The following CNTNAP5 variants were observed in gnomAD, a reference collection of about 807,000 sequenced individuals.
The protein encoded by CNTNAP5 is contactin associated protein family member 5.
A neutral mutation model predicts 150.2 loss-of-function variants in CNTNAP5; 72 were observed. The ratio of observed to expected loss-of-function variants is 0.48; its 90% CI spans 0.40 to 0.58. The LOEUF is 0.58. Among genes scored for constraint, CNTNAP5 ranks in the 20% least tolerant of loss-of-function variants. The pLI, the probability that CNTNAP5 is intolerant of heterozygous loss-of-function variation, is 0.00. For synonymous variants in CNTNAP5, 672 were observed against 619.8 expected (o/e 1.08, Z -1.25); for missense variants, 1,636 against 1,626.2 (o/e 1.01, Z -0.10).
intron 14 of CNTNAP5, among the ~76,000 whole-genome samples, chr2:124,758,765 A>G (rs2105159044): frequency 6.6e-6 from 1 of 152,092 alleles, no homozygotes; most frequent in South Asian, 2.1e-4. Flanking sequence ...GAGAAGTTGA[A>G]GGTACAACAT....
At chr2:124,682,617 T>TAA (rs1679093485) in intron 13 of CNTNAP5, among the ~76,000 whole-genome samples, 1 of 152,208 alleles carries the variant, frequency 6.6e-6, no homozygotes, top group African/African-American at 2.4e-5. Context: ...GCTCAGTAGT[T>TAA]TCTCTCGGGT....
In CNTNAP5 at chr2:124,407,775, A is replaced by C. The variant is rs1285050808; in HGVS notation, c.382-9668A>C. Among the ~76,000 whole-genome samples, 6 of 152,166 alleles carry C rather than the reference A, an allele frequency of 3.9e-5. 1 individual carries two copies. The East Asian group carries it at 7.7e-4, about 20-fold the overall frequency. ...TTTTCCTCTCTGTAATATGAGTTGC[A>C]ATCTTCCCTACTTAATTACATTTCA... is the stretch of plus-strand genomic sequence containing the variant. On this transcript the variant is annotated intron_variant, in intron 3 of 23. Coordinates refer to ENST00000682447, the MANE Select transcript of CNTNAP5 (RefSeq NM_001367498.1).
rs539555484 is a variant in CNTNAP5 at position 124,257,417 on chromosome 2, C to G, written c.381+15024C>G. On this transcript the variant is annotated intron_variant, in intron 3 of 23. Transcript: ENST00000682447. ...CAATGCCACTGCTGGTTCAATACGT[C>G]CATGACTGGTTATGCATTGCCAATC... 3.9e-5 allele frequency among the ~76,000 whole-genome samples: 6 copies of G among 152,308 alleles called. No individual in the cohort carries two copies. The East Asian group carries it at 1.2e-3, about 29-fold the overall frequency.
intron 13 of CNTNAP5, among the ~76,000 whole-genome samples, chr2:124,717,272 A>G (rs543520651): frequency 1.3e-5 from 2 of 152,278 alleles, no homozygotes; most frequent in South Asian, 4.1e-4. Flanking sequence ...GTGCTGCCAG[A>G]TTGGCATCCT....
At chr2:124,695,981 C>T (rs910788389) in intron 13 of CNTNAP5, among the ~76,000 whole-genome samples, 7 of 152,150 alleles carry the variant, frequency 4.6e-5, no homozygotes, top group African/African-American at 1.4e-4. Flanking sequence ...GTAATTTTCT[C>T]AAAATCACTT....
chr2:124,778,566 C>T (rs1681376539), intron 17 of CNTNAP5: 1 of 154,014 alleles, frequency 6.5e-6, no homozygotes, highest in Non-Finnish European at 1.5e-5. Flanking sequence ...TTTGATCATC[C>T]TGTCAATCCT....
chr2:124,205,462 A>G (rs1685838724), intron 1 of CNTNAP5, among the ~76,000 whole-genome samples: 1 of 146,944 alleles, frequency 6.8e-6, no homozygotes, highest in Non-Finnish European at 1.5e-5. Flanking sequence ...CCTGTCTCCC[A>G]GGCTGGACTG....
At chr2:124,223,874 A>T (rs978508167) in intron 2 of CNTNAP5, among the ~76,000 whole-genome samples, 1 of 151,314 alleles carries the variant, frequency 6.6e-6, no homozygotes, top group Non-Finnish European at 1.5e-5. Flanking sequence ...ATAGTGATAC[A>T]GTTGGGATGC....
intron 19 of CNTNAP5, among the ~76,000 whole-genome samples, chr2:124,847,168 C>A (rs1683066201): frequency 1.3e-5 from 2 of 152,114 alleles, no homozygotes; most frequent in South Asian, 4.1e-4. Context: ...GGGAGCAGGG[C>A]CATAGAGCTC....
intron 3 of CNTNAP5, among the ~76,000 whole-genome samples, chr2:124,275,814 T>A (rs2104617582): frequency 6.6e-6 from 1 of 152,232 alleles, no homozygotes; most frequent in South Asian, 2.1e-4. Flanking sequence ...AATTTCAGAC[T>A]TCCACAAACT....
chr2:124,128,805 G>T (rs192684616), intron 1 of CNTNAP5, among the ~76,000 whole-genome samples: 16 of 152,184 alleles, frequency 1.1e-4, no homozygotes, highest in African/African-American at 2.9e-4. Context: ...GCAAACTATC[G>T]CAAGGGCAGA....
intron 19 of CNTNAP5, among the ~76,000 whole-genome samples, chr2:124,844,011 T>C (rs1421451249): frequency 1.3e-5 from 2 of 152,162 alleles, no homozygotes; most frequent in African/African-American, 4.8e-5. Context: ...TTAGTTTAAT[T>C]AAGTCCTGTT....
intron 11 of CNTNAP5, among the ~76,000 whole-genome samples, chr2:124,576,223 G>A (rs547324003): frequency 1.3e-5 from 2 of 151,900 alleles, no homozygotes; most frequent in Non-Finnish European, 1.5e-5. Context: ...TTGTCATAGC[G>A]GGACATGCAA....
intron 4 of CNTNAP5, among the ~76,000 whole-genome samples, chr2:124,423,120 C>T (rs1028732477): frequency 1.3e-5 from 2 of 152,178 alleles, no homozygotes; most frequent in Non-Finnish European, 2.9e-5. Context: ...ACTTCACCAC[C>T]TACTAGTTGG....
chr2:124,618,941 T>G lies in CNTNAP5; in HGVS notation c.1876+9021T>G, dbSNP rs76328534. Among the ~76,000 whole-genome samples the G allele has an allele frequency of 4.0e-3, 616 of 152,254 alleles. 2 individuals carry two copies. Among genetic ancestry groups the G allele is most frequent in the Non-Finnish European group, 6.9e-3 (467 of 68,020 alleles). Reference sequence around the variant, plus strand: ...TAAATGGCACTAAGGTTAGAATGAATGTAAGAAACACACACTGAATAAGAT... The same window carrying G: ...TAAATGGCACTAAGGTTAGAATGAAGGTAAGAAACACACACTGAATAAGAT... On this transcript the variant is annotated intron_variant, in intron 12 of 23. Coordinates refer to ENST00000682447, the MANE Select transcript of CNTNAP5 (RefSeq NM_001367498.1).
intron 12 of CNTNAP5, among the ~76,000 whole-genome samples, chr2:124,623,714 T>C (rs1013357946): frequency 6.6e-6 from 1 of 152,218 alleles, no homozygotes; most frequent in African/African-American, 2.4e-5. Context: ...ACACATCCAC[T>C]GTCTTTAGGG....
chr2:124,772,477 G>C (rs779556346), intron 16 of CNTNAP5, among the ~76,000 whole-genome samples: 7 of 152,138 alleles, frequency 4.6e-5, no homozygotes, highest in Admixed American at 1.3e-4. Flanking sequence ...AGATATCCTG[G>C]AGGACACAGC....
At chr2:124,811,703 A>AGGC (rs1553445015) in intron 19 of CNTNAP5, among the ~76,000 whole-genome samples, 5 of 56,124 alleles carry the variant, frequency 8.9e-5, no homozygotes, top group African/African-American at 4.5e-4. Flanking sequence ...TCACTTTAGG[A>AGGC]GGCGGGGGGG....
intron 13 of CNTNAP5, among the ~76,000 whole-genome samples, chr2:124,722,474 T>G (rs1680068716): frequency 6.6e-6 from 1 of 152,074 alleles, no homozygotes; most frequent in South Asian, 2.1e-4. Flanking sequence ...GTGTCATAGG[T>G]CCCAAGCAAG....
Sources: gnomAD v4.1 joint callset for allele counts (sites outside exome capture counted in the v4.1 genomes callset) on GRCh38, gnomAD v4.1.1 for gene constraint, MANE v1.5 for transcripts, NCBI Gene and HGNC (gene_info 2026-07-23, HGNC 2026-07-21) for gene names.